BBX: variants seen among roughly 807,000 people sequenced by gnomAD.
The protein encoded by BBX is HMG box transcription factor BBX.
BBX carries 30 observed loss-of-function variants against 100.2 expected under a neutral mutation model. The ratio of observed to expected loss-of-function variants is 0.30; its 90% CI spans 0.22 to 0.41. BBX has a LOEUF of 0.41. Among genes scored for constraint, BBX ranks in the 10% least tolerant of loss-of-function variants. The pLI, the probability that BBX is intolerant of heterozygous loss-of-function variation, is 1.00. For synonymous variants in BBX, 376 were observed against 388.1 expected, an observed-to-expected ratio of 0.97 and a Z score of 0.37; for missense variants, 1,023 against 1,129.8, an observed-to-expected ratio of 0.91 and a Z score of 1.35.
At chr3:107,714,791 G>T (rs773123323) in intron 4 of BBX, among the ~76,000 whole-genome samples, 14 of 151,820 alleles carry the variant, frequency 9.2e-5, no homozygotes, top group Non-Finnish European at 1.5e-4. Context: ...AACGGCAAAA[G>T]ACTTTTTTTT....
At chr3:107,608,600 G>C (rs1029500732) in intron 2 of BBX, among the ~76,000 whole-genome samples, 1 of 152,140 alleles carries the variant, frequency 6.6e-6, no homozygotes, top group African/African-American at 2.4e-5. Flanking sequence ...TTTCTGTGAA[G>C]AATGTCATTG....
intron 10 of BBX, among the ~76,000 whole-genome samples, chr3:107,762,455 A>G (rs998989469): frequency 2.6e-5 from 4 of 152,216 alleles, no homozygotes; most frequent in Admixed American, 6.5e-5. Context: ...TTTAGCAGCA[A>G]TGCTATTCTC....
intron 2 of BBX, among the ~76,000 whole-genome samples, chr3:107,574,248 T>G (rs919619293): frequency 1.3e-5 from 2 of 152,178 alleles, no homozygotes; most frequent in Non-Finnish European, 2.9e-5. Context: ...AACGAGAAAT[T>G]TGAGACCTGG....
chr3:107,710,724 G>T, intron 4 of BBX, 102 bp downstream of exon 4: 2 of 1,080,496 alleles, frequency 1.9e-6, no homozygotes, highest in Non-Finnish European at 2.6e-6. Flanking sequence ...GTTTCCAAAA[G>T]CCTGTATAGC....
intron 2 of BBX, among the ~76,000 whole-genome samples, chr3:107,643,357 T>G (rs974653660): frequency 1.3e-5 from 2 of 151,892 alleles, no homozygotes; most frequent in Admixed American, 1.3e-4. Flanking sequence ...ATTATGAAGT[T>G]TCTTAGAGGG....
chr3:107,611,096 A>G (rs575455991), intron 2 of BBX, among the ~76,000 whole-genome samples: 31 of 152,262 alleles, frequency 2.0e-4, no homozygotes, highest in Non-Finnish European at 3.2e-4. Context: ...CTGCTTGCCT[A>G]AACAAATAAG....
intron 7 of BBX, among the ~76,000 whole-genome samples, chr3:107,739,496 A>T (rs2063905432): frequency 1.3e-5 from 2 of 152,098 alleles, no homozygotes; most frequent in Admixed American, 6.5e-5. Context: ...CCATCTGTCC[A>T]CTGTGGGGCT....
intron 3 of BBX, among the ~76,000 whole-genome samples, chr3:107,653,857 G>T (rs746782009): frequency 1.3e-5 from 2 of 152,092 alleles, no homozygotes; most frequent in Non-Finnish European, 2.9e-5. Context: ...GTCCTAATAA[G>T]TTGTGCCACA....
At chr3:107,584,751 G>A (rs2052700840) in intron 2 of BBX, among the ~76,000 whole-genome samples, 1 of 123,148 alleles carries the variant, frequency 8.1e-6, no homozygotes, top group Non-Finnish European at 1.6e-5. Context: ...GAGTGCAGTG[G>A]CACGATCTCA....
intron 10 of BBX, among the ~76,000 whole-genome samples, chr3:107,768,420 G>A (rs1297123597): frequency 6.6e-6 from 1 of 152,198 alleles, no homozygotes; most frequent in Non-Finnish European, 1.5e-5. Flanking sequence ...GTTTATTAAT[G>A]TTCAAATCAT....
intron 13 of BBX, among the ~76,000 whole-genome samples, chr3:107,784,919 A>G (rs1016198343): frequency 2.6e-5 from 4 of 151,862 alleles, no homozygotes; most frequent in African/African-American, 2.4e-5. Flanking sequence ...AATTTTAGCT[A>G]GATTGACCAA....
intron 2 of BBX, among the ~76,000 whole-genome samples, chr3:107,604,503 A>G (rs528903948): frequency 6.6e-6 from 1 of 152,194 alleles, no homozygotes; most frequent in South Asian, 2.1e-4. Context: ...GACTGAGCCT[A>G]TCATTCTAGA....
intron 3 of BBX, among the ~76,000 whole-genome samples, chr3:107,697,750 G>C (rs1276180046): frequency 6.6e-6 from 1 of 151,802 alleles, no homozygotes; most frequent in Non-Finnish European, 1.5e-5. Flanking sequence ...TGGCTGCTTT[G>C]TTTACCTAAG....
chr3:107,539,838 C>G (rs1489212023), intron 2 of BBX, among the ~76,000 whole-genome samples: 1 of 152,192 alleles, frequency 6.6e-6, no homozygotes, highest in African/African-American at 2.4e-5. Flanking sequence ...TTGGAGACCA[C>G]TGGTCATTAT....
rs1245932871 is a variant in BBX at position 107,702,175 on chromosome 3, T to G, written c.-9-8277T>G. 2.0e-5 allele frequency among the ~76,000 whole-genome samples: 3 copies of G among 151,968 alleles called. No individual in the cohort carries two copies. In the East Asian group the frequency reaches 5.8e-4, roughly 29 times the overall value. Reference sequence around the variant, plus strand: ...GAAAAATGGTTGGAGAAGTTTAGAGTTAGGGTTTATTACTGGACCATTTGT... The same window carrying G: ...GAAAAATGGTTGGAGAAGTTTAGAGGTAGGGTTTATTACTGGACCATTTGT... On this transcript the variant is annotated intron_variant, in intron 3 of 17. Coordinates refer to ENST00000325805, the MANE Select transcript of BBX (RefSeq NM_001142568.3).
chr3:107,549,656 A>G (rs967838051), intron 2 of BBX, among the ~76,000 whole-genome samples: 18 of 152,152 alleles, frequency 1.2e-4, no homozygotes, highest in Non-Finnish European at 2.4e-4. Context: ...GGAATCTACT[A>G]TTATGCTTGG....
At chr3:107,798,332 A>G (rs943600475) in intron 15 of BBX, among the ~76,000 whole-genome samples, 191 bp from the exon 16 acceptor site, 4 of 152,212 alleles carry the variant, frequency 2.6e-5, no homozygotes, top group African/African-American at 9.7e-5. Flanking sequence ...TAATTTATCA[A>G]AGCAAATATC....
At chr3:107,800,170 C>G (rs2070280872) in intron 16 of BBX, among the ~76,000 whole-genome samples, 1 of 152,146 alleles carries the variant, frequency 6.6e-6, no homozygotes, top group East Asian at 1.9e-4. Context: ...TGAGTACATT[C>G]AATACAATAG....
intron 2 of BBX, among the ~76,000 whole-genome samples, chr3:107,643,062 G>C (rs1345290125): frequency 6.6e-6 from 1 of 152,174 alleles, no homozygotes; most frequent in South Asian, 2.1e-4. Flanking sequence ...GCAAAACACA[G>C]TTTTGGCATA....
Sources: allele counts gnomAD v4.1 joint callset (sites outside exome capture counted in the v4.1 genomes callset), GRCh38; gene constraint gnomAD v4.1.1; transcripts MANE v1.5; gene names NCBI Gene and HGNC (gene_info 2026-07-23, HGNC 2026-07-21).